Variants in ABCA9 observed in about 807,000 individuals in gnomAD.
ABCA9 encodes the protein ATP-binding cassette sub-family A member 9.
In ABCA9, 183 loss-of-function variants were observed where a neutral mutation model predicts 205.3. The ratio of observed to expected loss-of-function variants is 0.89; its 90% CI spans 0.79 to 1.01. The LOEUF (loss-of-function observed/expected upper bound fraction) is 1.01, where lower values mean the gene tolerates loss of function less well. ABCA9 is among the 50% of genes least tolerant of loss of function. The probability of loss-of-function intolerance (pLI) is 0.00; values close to 1 mark genes in which losing one functional copy is unlikely to be tolerated. For synonymous variants in ABCA9, 651 were observed against 683.3 expected (o/e 0.95, Z 0.74); for missense variants, 1,805 against 1,912.4 (o/e 0.94, Z 1.05).
At chr17:68,999,196 T>A (rs997646751) in intron 25 of ABCA9, among the ~76,000 whole-genome samples, 3 of 149,070 alleles carry the variant, frequency 2.0e-5, no homozygotes, top group African/African-American at 7.4e-5. Flanking sequence ...TACATACGTA[T>A]ACATGTGCCA....
intron 1 of ABCA9, 85 bp downstream of exon 1, chr17:69,060,781 C>T: frequency 1.1e-6 from 1 of 873,870 alleles, no homozygotes; most frequent in Non-Finnish European, 1.4e-6. Context: ...TTAATGGTTT[C>T]TACCTAAACG....
chr17:69,014,560 A>ATATAAATTACATGGGAAATATCTGGTTTT (rs1491382448), intron 22 of ABCA9, among the ~76,000 whole-genome samples: 1 of 152,196 alleles, frequency 6.6e-6, no homozygotes, highest in Non-Finnish European at 1.5e-5. Context: ...ATGCTAATAC[A>ATATAAATTACATGGGAAATATCTGGTTTT]TATAAATTAC....
At chr17:68,976,218 A>C (rs557555372) in intron 37 of ABCA9, 28 bp from the exon 38 acceptor site, 1 of 1,596,386 alleles carries the variant, frequency 6.3e-7, no homozygotes, top group African/African-American at 1.4e-5. Context: ...TACATTAGGA[A>C]TTCTATTTTT....
intron 22 of ABCA9, among the ~76,000 whole-genome samples, chr17:69,015,060 CTCCATTCT>C (rs1346409447): frequency 6.6e-6 from 1 of 152,150 alleles, no homozygotes; most frequent in Non-Finnish European, 1.5e-5. Flanking sequence ...AGCTCCAGCT[CTCCATTCT>C]TCCATTCTGC....
chr17:69,013,338 T>TTACTTCTCTGTTC (rs1380815841), intron 22 of ABCA9, among the ~76,000 whole-genome samples: 1 of 152,124 alleles, frequency 6.6e-6, no homozygotes, highest in Admixed American at 6.5e-5. Flanking sequence ...TGAAGTTTCT[T>TTACTTCTCTGTTC]TACTTCTCTG....
chr17:68,989,995 C>T, intron 29 of ABCA9, 65 bp from the exon 30 acceptor site: 1 of 1,100,560 alleles, frequency 9.1e-7, no homozygotes, highest in Middle Eastern at 2.0e-4. Context: ...GTGTTCCACA[C>T]TCTTGTCACC....
chr17:69,014,176 A>G (rs1309678770), intron 22 of ABCA9, among the ~76,000 whole-genome samples: 5 of 152,116 alleles, frequency 3.3e-5, no homozygotes, highest in Non-Finnish European at 5.9e-5. Context: ...TAATCTGAAA[A>G]TCTGAAATCT....
At chr17:69,018,657 T>G in intron 19 of ABCA9, 78 bp from the exon 20 acceptor site, 14 of 988,144 alleles carry the variant, frequency 1.4e-5, no homozygotes, top group Non-Finnish European at 1.8e-5. Context: ...GTATAATGAA[T>G]ATAATAACAG....
intron 25 of ABCA9, among the ~76,000 whole-genome samples, chr17:69,000,939 A>T (rs1189629066): frequency 2.7e-5 from 4 of 145,722 alleles, no homozygotes; most frequent in African/African-American, 5.6e-5. Context: ...GTTGTTGTAT[A>T]GGAATGCTTG....
intron 18 of ABCA9, 177 bp from the exon 19 acceptor site, chr17:69,020,763 G>T (rs1384672746): frequency 1.9e-6 from 1 of 538,988 alleles, no homozygotes; most frequent in Non-Finnish European, 3.2e-6. Context: ...GAAGCAGAAA[G>T]TATTGATATA....
intron 3 of ABCA9, among the ~76,000 whole-genome samples, chr17:69,048,372 C>T (rs375883787): frequency 7.2e-5 from 11 of 152,264 alleles, no homozygotes; most frequent in African/African-American, 9.6e-5. Flanking sequence ...CATCCTCTAA[C>T]GGTAAAACGG....
the ABCA9 span, among the ~76,000 whole-genome samples, chr17:69,070,252 A>T: frequency 2.6e-5 from 4 of 152,162 alleles, no homozygotes; most frequent in Non-Finnish European, 5.9e-5. Context: ...CATAAATATA[A>T]ATGATCAAAA....
intron 22 of ABCA9, among the ~76,000 whole-genome samples, chr17:69,012,988 G>C (rs2070438927): frequency 6.6e-6 from 1 of 152,090 alleles, no homozygotes; most frequent in African/African-American, 2.4e-5. Flanking sequence ...TTCTGTGCCT[G>C]GCTTATTTTA....
At chr17:69,021,920 CTCAAAAA>C (rs1431684806) in intron 17 of ABCA9, 59 bp from the exon 18 acceptor site, 2 of 1,255,144 alleles carry the variant, frequency 1.6e-6, no homozygotes, top group Non-Finnish European at 2.1e-6. Flanking sequence ...AACCATATTT[CTCAAAAA>C]TGTAAAATAT....
chr17:68,998,759 A>C (rs773378903), intron 25 of ABCA9, among the ~76,000 whole-genome samples: 3 of 151,388 alleles, frequency 2.0e-5, no homozygotes, highest in Non-Finnish European at 2.9e-5. Context: ...TTAGATTTTC[A>C]GCCTTTTTCA....
At chr17:69,051,194 A>T in intron 1 of ABCA9, 55 bp from the exon 2 acceptor site, 1 of 1,490,674 alleles carries the variant, frequency 6.7e-7, no homozygotes, top group Non-Finnish European at 9.1e-7. Flanking sequence ...AGTAGAAAAC[A>T]TTGTGCAATC....
At chr17:69,058,741 A>T (rs1213520618) in intron 1 of ABCA9, among the ~76,000 whole-genome samples, 2 of 151,910 alleles carry the variant, frequency 1.3e-5, no homozygotes, top group Non-Finnish European at 2.9e-5. Flanking sequence ...TGGGAGGCTG[A>T]GGCAGGAGAA....
chr17:68,995,056 C>G (rs1181490627), intron 26 of ABCA9, among the ~76,000 whole-genome samples: 1 of 152,186 alleles, frequency 6.6e-6, no homozygotes, highest in Non-Finnish European at 1.5e-5. Context: ...TGCATTGACA[C>G]TTTCATTAAA....
rs2071317701 is a variant in ABCA9, at chr17:69,035,800, G to T, written c.802C>A (p.Leu268Ile). ...CCAGCATACATCAAACCCCAGGAAA[G>T]CCTAGCAGAGAAACAAAGCCGTCAG... ...MMGLRESAFW[L>I]SWGLMYAGFI... The change falls in exon 7 of 39, where the codon CTT becomes ATT. Residue 268 changes from leucine to isoleucine, a missense_variant and splice_region_variant. Transcript: ENST00000340001. The T allele has an allele frequency of 6.2e-7, 1 of 1,609,018 alleles. No homozygotes were observed.
Sources: allele counts gnomAD v4.1 joint callset (sites outside exome capture counted in the v4.1 genomes callset), GRCh38; gene constraint gnomAD v4.1.1; transcripts MANE v1.5; gene names NCBI Gene and HGNC (gene_info 2026-07-23, HGNC 2026-07-21).